KRAS: variants seen among roughly 807,000 people sequenced by gnomAD.
KRAS encodes KRas proto-oncogene, GTPase, also known as GTPase KRas.
Under a neutral mutation model 21.0 loss-of-function variants are expected in KRAS, and 1 was observed. The ratio of observed to expected loss-of-function variants is 0.05; its 90% CI spans 0.02 to 0.23. KRAS has a LOEUF of 0.23. Ranked by LOEUF, KRAS falls within the 10% of genes least tolerant of loss-of-function variation. The pLI is 1.00. For synonymous variants in KRAS, 67 were observed against 72.5 expected (o/e 0.92, Z 0.39); for missense variants, 107 against 221.8 (o/e 0.48, Z 3.29).
chr12:25,221,795 T>C (rs139801843), intron 4 of KRAS, among the ~76,000 whole-genome samples: 8 of 152,218 alleles, frequency 5.3e-5, no homozygotes, highest in Non-Finnish European at 1.0e-4. Flanking sequence ...ACCCCAAAAG[T>C]TAGGGCATAA....
At chr12:25,235,135 T>C (rs1012391098) in intron 2 of KRAS, 7 of 458,824 alleles carry the variant, frequency 1.5e-5, no homozygotes, top group Non-Finnish European at 2.4e-5. Context: ...AAAATGTCAA[T>C]AATGTATTAC....
intron 4 of KRAS, among the ~76,000 whole-genome samples, chr12:25,219,753 T>C (rs1951298676): frequency 6.6e-6 from 1 of 152,202 alleles, no homozygotes. Flanking sequence ...GAGACTACCA[T>C]GGTGCACAGC....
rs1391982948 is a variant in KRAS at position 25,209,075 on chromosome 12, C to A, written c.*720G>T. 5 of 422,938 alleles carry A rather than the reference C, an allele frequency of 1.2e-5. No homozygotes were observed. The highest frequency in any genetic ancestry group is 2.1e-5 in the Non-Finnish European group (5 of 240,996). The allele number at this position is 422,938 out of a possible 1,614,324, so 26.2% of individuals were successfully genotyped here. ...TAATAATCCCCATTTCATACTGGGTCTGCCTTAACAGGAAAAGCTATTAGG... is the reference window on the plus strand; with the variant it reads ...TAATAATCCCCATTTCATACTGGGTATGCCTTAACAGGAAAAGCTATTAGG... On this transcript the variant is annotated 3_prime_UTR_variant, in exon 5 of 5. Coordinates refer to ENST00000311936, the MANE Select transcript of KRAS (RefSeq NM_004985.5).
At chr12:25,214,319 G>T (rs1260305943) in intron 4 of KRAS, among the ~76,000 whole-genome samples, 6 of 152,056 alleles carry the variant, frequency 3.9e-5, no homozygotes, top group Non-Finnish European at 7.4e-5. Flanking sequence ...AGCTGGAGTG[G>T]TGGGAAGGTA....
chr12:25,207,892 C>T lies in KRAS; in HGVS notation c.*1903G>A, dbSNP rs1230744283. ...AGTGGGAAAACTTCATGGAGATATC[C>T]ACAGCAGCAGTAAATCTTATGGTTA... On this transcript the variant is annotated 3_prime_UTR_variant, in exon 5 of 5. Transcript: ENST00000311936. 2 of 233,022 alleles carry T rather than the reference C, an allele frequency of 8.6e-6. No individual in the cohort carries two copies. The highest frequency in any genetic ancestry group is 2.2e-5 in the African/African-American group (1 of 45,316). The allele number at this position is 233,022 out of a possible 1,614,324, so 14.4% of individuals were successfully genotyped here.
rs951814901 is a variant in KRAS, at chr12:25,220,782, T to C, written c.450+4832A>G. 7.3e-5 allele frequency among the ~76,000 whole-genome samples: 11 copies of C among 150,374 alleles called. No homozygotes were observed. The East Asian group carries it at 1.8e-3, about 24-fold the overall frequency. ...ACTCACGTCTGTAATCCCAGCACAC[T>C]GGGAGGCTCAGATGGGAGGATCACT... On this transcript the variant is annotated intron_variant, in intron 4 of 4. Coordinates refer to ENST00000311936, the MANE Select transcript of KRAS (RefSeq NM_004985.5).
chr12:25,226,373 C>T (rs574685536), intron 3 of KRAS, among the ~76,000 whole-genome samples: 1 of 152,210 alleles, frequency 6.6e-6, no homozygotes, highest in East Asian at 1.9e-4. Context: ...TTCAAAGACA[C>T]AGCACAAAAG....
chr12:25,240,195 A>C (rs1361140412), intron 2 of KRAS, among the ~76,000 whole-genome samples: 1 of 152,174 alleles, frequency 6.6e-6, no homozygotes, highest in Non-Finnish European at 1.5e-5. Context: ...CCAATAATTT[A>C]ACTGTTCCAT....
intron 2 of KRAS, among the ~76,000 whole-genome samples, chr12:25,230,669 C>T (rs1419374648): frequency 1.3e-5 from 2 of 152,144 alleles, no homozygotes; most frequent in Non-Finnish European, 2.9e-5. Flanking sequence ...TTTCTTTGTA[C>T]TAGATGCTAT....
chr12:25,248,932 G>A (rs533215250), intron 1 of KRAS, among the ~76,000 whole-genome samples: 31 of 152,350 alleles, frequency 2.0e-4, no homozygotes, highest in African/African-American at 7.5e-4. Flanking sequence ...AACATGCAGA[G>A]TCAGCATTTT....
At chr12:25,249,008 C>T (rs1951726691) in intron 1 of KRAS, among the ~76,000 whole-genome samples, 2 of 152,212 alleles carry the variant, frequency 1.3e-5, no homozygotes, top group Admixed American at 1.3e-4. Flanking sequence ...ACAAATAGAC[C>T]TTTCCCATTT....
chr12:25,249,442 T>C (rs1408568138), intron 1 of KRAS, among the ~76,000 whole-genome samples: 3 of 145,988 alleles, frequency 2.1e-5, no homozygotes, highest in Non-Finnish European at 4.5e-5. Context: ...AATACAAAAA[T>C]TAGCTGGGCA....
At chr12:25,218,062 G>C (rs1240219335) in intron 4 of KRAS, among the ~76,000 whole-genome samples, 1 of 152,122 alleles carries the variant, frequency 6.6e-6, no homozygotes, top group African/African-American at 2.4e-5. Context: ...CATGTAAAAT[G>C]TAAAGCATGA....
chr12:25,221,958 G>C (rs983250996), intron 4 of KRAS, among the ~76,000 whole-genome samples: 3 of 152,100 alleles, frequency 2.0e-5, no homozygotes, highest in African/African-American at 7.2e-5. Flanking sequence ...AGACCATCCT[G>C]GCTAACACAG....
At chr12:25,234,038 G>C (rs1164994999) in intron 2 of KRAS, 4 of 186,476 alleles carry the variant, frequency 2.1e-5, no homozygotes, top group Non-Finnish European at 4.5e-5. Context: ...TCAACAATTT[G>C]TTTTAAAATC....
At position 25,209,124 on chromosome 12, in the gene KRAS, T is replaced by C; in HGVS notation, c.*671A>G. 7.1e-6 allele frequency: 4 copies of C among 564,908 alleles called. No homozygotes were observed. The South Asian group carries it at 7.9e-5, about 11-fold the overall frequency. 35.0% of individuals were successfully genotyped at this position (564,908 alleles called of 1,614,324 possible). ...GGAGTCTTTATAGTAATTTATCTAA[T>C]GTGAAAAGGAAATGGCCTTATAATA... On this transcript the variant is annotated 3_prime_UTR_variant, in exon 5 of 5. Coordinates refer to ENST00000311936, the MANE Select transcript of KRAS (RefSeq NM_004985.5).
chr12:25,210,576 C>CT (rs1305328763), intron 4 of KRAS: 1 of 151,986 alleles, frequency 6.6e-6, no homozygotes, highest in Non-Finnish European at 1.5e-5. Context: ...GAGAATACCA[C>CT]TTTAAAAAAA....
chr12:25,226,446 C>G (rs1951392722), intron 3 of KRAS, among the ~76,000 whole-genome samples: 1 of 152,174 alleles, frequency 6.6e-6, no homozygotes, highest in African/African-American at 2.4e-5. Context: ...ACACCATTAG[C>G]TGGGTAAACT....
chr12:25,207,941 G>A lies in KRAS; in HGVS notation c.*1854C>T, dbSNP rs1951156776. On this transcript the variant is annotated 3_prime_UTR_variant, in exon 5 of 5. Coordinates refer to ENST00000311936, the MANE Select transcript of KRAS (RefSeq NM_004985.5). ...TAGGGGAATTACAAGTATTAAAACT[G>A]CATCAAGTCATGGGGCATGTGGAAG... 2 of 233,200 alleles carry A rather than the reference G, an allele frequency of 8.6e-6. No homozygotes were observed. The highest frequency in any genetic ancestry group is 1.7e-5 in the Non-Finnish European group (2 of 118,012). The allele number at this position is 233,200 out of a possible 1,614,324, so 14.4% of individuals were successfully genotyped here. A position where few individuals can be genotyped will look rare whatever the true frequency, so the allele number is the denominator to read the frequency against.
Sources: gnomAD v4.1 joint callset for allele counts (sites outside exome capture counted in the v4.1 genomes callset) on GRCh38, gnomAD v4.1.1 for gene constraint, MANE v1.5 for transcripts, NCBI Gene and HGNC (gene_info 2026-07-23, HGNC 2026-07-21) for gene names.